TIAM2: variants seen among roughly 807,000 people sequenced by gnomAD.
TIAM2 encodes the protein rho guanine nucleotide exchange factor TIAM2.
TIAM2 carries 80 observed loss-of-function variants against 152.9 expected under a neutral mutation model. That is an observed-to-expected ratio of 0.52 (90% CI 0.44 to 0.63). The LOEUF is 0.63. Among genes scored for constraint, TIAM2 ranks in the 30% least tolerant of loss-of-function variants. The pLI, the probability that TIAM2 is intolerant of heterozygous loss-of-function variation, is 0.00. For synonymous variants in TIAM2, 804 were observed against 838.0 expected (o/e 0.96, Z 0.70); for missense variants, 1,965 against 2,120.1 (o/e 0.93, Z 1.44).
At chr6:155,253,902 T>C (rs1783832257) in intron 24 of TIAM2, 71 bp from the exon 25 acceptor site, 5 of 1,187,310 alleles carry the variant, frequency 4.2e-6, no homozygotes, top group East Asian at 2.5e-5. Flanking sequence ...AGATTTCAAC[T>C]TTACAAGTGT....
chr6:155,216,768 G>A (rs532088312), intron 15 of TIAM2: 13 of 355,598 alleles, frequency 3.7e-5, no homozygotes, highest in South Asian at 1.7e-4. Flanking sequence ...CTCAGGAGAC[G>A]TGGCCCTCTG....
chr6:155,040,140 G>A (rs921332757), intron 1 of TIAM2, among the ~76,000 whole-genome samples: 14 of 152,256 alleles, frequency 9.2e-5, no homozygotes, highest in African/African-American at 3.4e-4. Flanking sequence ...AGGACCTTGA[G>A]GTATCCTTGT....
chr6:155,174,660 C>T lies in TIAM2; in HGVS notation c.2362-2156C>T, dbSNP rs1000242664. ...CTGGAATTACAGACGTGAGCCATGG[C>T]GCCCGGCCAAGTGATACAGTCTTTC... is the stretch of plus-strand genomic sequence containing the variant. On this transcript the variant is annotated intron_variant, in intron 9 of 26. Coordinates refer to ENST00000682666, the MANE Select transcript of TIAM2 (RefSeq NM_012454.4). This position sits in a 1 kb window ranked among gnomAD's most constrained non-coding sequence, Gnocchi z 4.2. Among the ~76,000 whole-genome samples the T allele has an allele frequency of 2.0e-5, 3 of 152,332 alleles. No homozygotes were observed. Among genetic ancestry groups the T allele is most frequent in the South Asian group, 4.1e-4 (2 of 4,832 alleles).
chr6:155,148,464 A>G, intron 7 of TIAM2, 130 bp downstream of exon 7: 2 of 928,578 alleles, frequency 2.2e-6, no homozygotes, highest in Non-Finnish European at 3.2e-6. Flanking sequence ...CCTGGGGGAA[A>G]TAATTTCTGT....
chr6:155,024,655 A>ATT (rs1294818530), intron 1 of TIAM2, among the ~76,000 whole-genome samples: 2,043 of 147,758 alleles, frequency 0.014, 41 homozygotes, highest in African/African-American at 0.048. Flanking sequence ...ATGTCTTTAA[A>ATT]AAAAAAAAAA....
Position 155,254,451 on chromosome 6 carries a change from T to A in TIAM2, c.4346T>A (p.Val1449Glu). 6.2e-7 allele frequency: 1 copy of A among 1,613,882 alleles called. No homozygotes were observed. The highest frequency in any genetic ancestry group is 2.2e-5 in the East Asian group (1 of 44,862). ...DSESKTNIVK[V>E]IRSILRENFR... ...GAAAGCAAAACCAACATTGTTAAGGTGATTCGTTCTATTCTGAGGGAGAAC... is the reference window on the plus strand; with the variant it reads ...GAAAGCAAAACCAACATTGTTAAGGAGATTCGTTCTATTCTGAGGGAGAAC... Residue 1449 changes from valine to glutamate, a missense_variant, in exon 26 of 27, where the codon GTG becomes GAG. By Grantham distance (121) the Val-to-Glu change is moderately radical. This residue lies in a region of TIAM2 where 935 missense variants were observed against 980.0 expected (regional missense o/e 0.95). Coordinates refer to ENST00000682666, the MANE Select transcript of TIAM2 (RefSeq NM_012454.4).
chr6:155,254,072 T>C lies in TIAM2; in HGVS notation c.4313+12T>C, dbSNP rs753382693. On this transcript the variant is annotated intron_variant, in intron 25 of 26. Transcript: ENST00000682666. ...CAGTTGTGTTGCAGGTATGACTGAC[T>C]TCCAAAGATTAAAACCAACAGAAAT... The C allele has an allele frequency of 3.4e-5, 54 of 1,609,782 alleles. No homozygotes were observed. The highest frequency in any genetic ancestry group is 4.5e-5 in the Non-Finnish European group (53 of 1,177,742).
intron 14 of TIAM2, among the ~76,000 whole-genome samples, chr6:155,198,831 C>T (rs1029673346): frequency 4.6e-5 from 7 of 152,152 alleles, no homozygotes; most frequent in African/African-American, 7.2e-5. Context: ...TTTCTTGAGC[C>T]GAGGTCTCCA....
chr6:155,152,324 C>A (rs1024884610), intron 7 of TIAM2, among the ~76,000 whole-genome samples: 2 of 152,218 alleles, frequency 1.3e-5, no homozygotes, highest in Non-Finnish European at 2.9e-5. Flanking sequence ...GCTGACATTG[C>A]TGAGGGAGAG....
At chr6:155,234,554 C>T (rs2115284207) in intron 15 of TIAM2, among the ~76,000 whole-genome samples, 1 of 152,362 alleles carries the variant, frequency 6.6e-6, no homozygotes. Context: ...AGGCGTGTGC[C>T]ACCATGGCCG....
At chr6:155,237,245 C>T (rs1337364413) in intron 15 of TIAM2, among the ~76,000 whole-genome samples, 1 of 152,254 alleles carries the variant, frequency 6.6e-6, no homozygotes. Context: ...AAAATGATCT[C>T]CTTTGACTCC....
chr6:155,083,367 A>AAGAG (rs796368340), intron 1 of TIAM2, among the ~76,000 whole-genome samples: 9 of 119,230 alleles, frequency 7.5e-5, no homozygotes, highest in Admixed American at 1.9e-4. Context: ...AAAAAAAAAA[A>AAGAG]AGAGAGAGAG....
At position 155,191,699 on chromosome 6, in the gene TIAM2, G is replaced by T. The variant is rs539800636; in HGVS notation, c.3064+8199G>T. Among the ~76,000 whole-genome samples, 193 of 152,246 alleles carry T rather than the reference G, an allele frequency of 1.3e-3. 1 individual carries two copies. The highest frequency in any genetic ancestry group is 4.3e-3 in the African/African-American group (178 of 41,548). ...TCAAGCTATCACTCGGGAGGCTGAGGCAGGAGAATCGCTTGAACCCAGGAG... is the reference window on the plus strand; with the variant it reads ...TCAAGCTATCACTCGGGAGGCTGAGTCAGGAGAATCGCTTGAACCCAGGAG... On this transcript the variant is annotated intron_variant, in intron 14 of 26. Coordinates refer to ENST00000682666, the MANE Select transcript of TIAM2 (RefSeq NM_012454.4).
chr6:155,162,316 T>C (rs1780294082), intron 7 of TIAM2, among the ~76,000 whole-genome samples: 3 of 152,192 alleles, frequency 2.0e-5, no homozygotes, highest in African/African-American at 2.4e-5. Flanking sequence ...TCAGAAAATA[T>C]CTGATAAACT....
At position 155,254,742 on chromosome 6, in the gene TIAM2, T is replaced by TA. The variant is rs1420886680; in HGVS notation, c.4468+173dup. The TA allele has an allele frequency of 7.7e-6, 6 of 778,376 alleles. No homozygotes were observed. The African/African-American group carries it at 1.0e-4, about 14-fold the overall frequency. The allele number at this position is 778,376 out of a possible 1,614,324, so 48.2% of individuals were successfully genotyped here. Reference sequence around the variant, plus strand: ...CCTCTTGCTCCCAGACGTTCTACTGTAAAATACAGCCACCCCCAACCCCCA... The same window carrying TA: ...CCTCTTGCTCCCAGACGTTCTACTGTAAAAATACAGCCACCCCCAACCCCCA... On this transcript the variant is annotated intron_variant, in intron 26 of 26. Coordinates refer to ENST00000682666, the MANE Select transcript of TIAM2 (RefSeq NM_012454.4).
intron 1 of TIAM2, among the ~76,000 whole-genome samples, chr6:155,071,927 GTAT>G (rs1200146413): frequency 1.3e-5 from 2 of 151,300 alleles, no homozygotes; most frequent in East Asian, 1.9e-4. Context: ...TAAAATAAAA[GTAT>G]TATTATCTCT....
chr6:155,008,399 A>G (rs1179687266), intron 1 of TIAM2, among the ~76,000 whole-genome samples: 2 of 152,214 alleles, frequency 1.3e-5, no homozygotes, highest in African/African-American at 4.8e-5. Context: ...TCAAACCTCA[A>G]GAAATATAAG....
intron 1 of TIAM2, among the ~76,000 whole-genome samples, chr6:155,006,319 A>G (rs1778400985): frequency 6.6e-6 from 1 of 152,056 alleles, no homozygotes; most frequent in Non-Finnish European, 1.5e-5. Flanking sequence ...CAGAGGACAT[A>G]AGTCCTGTGG....
chr6:155,111,018 G>A (rs1297116093), intron 2 of TIAM2, among the ~76,000 whole-genome samples: 4 of 152,152 alleles, frequency 2.6e-5, no homozygotes, highest in Non-Finnish European at 5.9e-5. Flanking sequence ...AAATGGAGAT[G>A]TGGGGAAGGG....
Sources: gnomAD v4.1 joint callset for allele counts (sites outside exome capture counted in the v4.1 genomes callset) on GRCh38, gnomAD v4.1.1 for gene constraint, gnomAD v4.1.1 regional missense constraint, Gnocchi (gnomAD v3.1) non-coding constraint, MANE v1.5 for transcripts, NCBI Gene and HGNC (gene_info 2026-07-23, HGNC 2026-07-21) for gene names.